Variants in PRKD1 observed in about 807,000 individuals in gnomAD.
The protein encoded by PRKD1 is serine/threonine-protein kinase D1.
In PRKD1, 63 loss-of-function variants were observed where a neutral mutation model predicts 95.9. The observed-to-expected ratio is 0.66, with a 90% CI of 0.54 to 0.81. The LOEUF is 0.81. PRKD1 is among the 30% of genes least tolerant of loss of function. The probability of loss-of-function intolerance (pLI) is 0.00; values close to 1 mark genes in which losing one functional copy is unlikely to be tolerated. For missense variants in PRKD1, 1,048 were observed against 1,165.3 expected, an observed-to-expected ratio of 0.90 and a Z score of 1.47; for synonymous variants, 425 against 423.1, an observed-to-expected ratio of 1.00 and a Z score of -0.05.
rs1891155756 is a variant in PRKD1 at position 29,826,704 on chromosome 14, TATAC to T, written c.264+100541_264+100544del. Among the ~76,000 whole-genome samples the T allele has an allele frequency of 9.7e-5, 8 of 82,380 alleles. No individual in the cohort carries two copies. In the Admixed American group the frequency reaches 1.1e-3, roughly 11 times the overall value. The allele number at this position is 82,380 out of a possible 152,430, so 54.0% of individuals were successfully genotyped here. Reference sequence around the variant, plus strand: ...ATATATACACACATATATATACATATATACACATATATATATACATATATATACA... The same window carrying T: ...ATATATACACACATATATATACATATACATATATATATACATATATATACA... On this transcript the variant is annotated intron_variant, in intron 1 of 17. Coordinates refer to ENST00000331968, the MANE Select transcript of PRKD1 (RefSeq NM_002742.3).
At chr14:29,620,296 A>C (rs180777951) in intron 13 of PRKD1, among the ~76,000 whole-genome samples, 127 of 152,108 alleles carry the variant, frequency 8.3e-4, no homozygotes, top group African/African-American at 2.9e-3. Flanking sequence ...ACCAAAAAGC[A>C]ATGGCAACAA....
chr14:29,853,138 A>T (rs2139342371), intron 1 of PRKD1, among the ~76,000 whole-genome samples: 1 of 152,354 alleles, frequency 6.6e-6, no homozygotes, highest in South Asian at 2.1e-4. Flanking sequence ...TACAAGAGAC[A>T]ATGAATATTA....
intron 16 of PRKD1, among the ~76,000 whole-genome samples, chr14:29,590,419 G>A (rs1469435465): frequency 6.6e-6 from 1 of 152,102 alleles, no homozygotes; most frequent in Non-Finnish European, 1.5e-5. Context: ...TGGTCAAATT[G>A]TATGTTAAAT....
At chr14:29,626,429 A>T in intron 12 of PRKD1, 55 bp downstream of exon 12, 1 of 1,410,446 alleles carries the variant, frequency 7.1e-7, no homozygotes, top group Non-Finnish European at 1.0e-6. Flanking sequence ...TCGCTTTTTA[A>T]AATATAACTA....
intron 1 of PRKD1, among the ~76,000 whole-genome samples, chr14:29,904,676 C>A (rs1225115551): frequency 1.3e-5 from 2 of 152,136 alleles, no homozygotes; most frequent in Non-Finnish European, 2.9e-5. Flanking sequence ...TGCCAGTACT[C>A]CCCTTACTGG....
At chr14:29,878,123 GAAC>G (rs765670237) in intron 1 of PRKD1, among the ~76,000 whole-genome samples, 3 of 152,030 alleles carry the variant, frequency 2.0e-5, no homozygotes, top group Admixed American at 1.3e-4. Flanking sequence ...ACAAACAGAT[GAAC>G]AACAGACACT....
intron 1 of PRKD1, among the ~76,000 whole-genome samples, chr14:29,792,179 C>T (rs186228420): frequency 1.3e-5 from 2 of 152,100 alleles, no homozygotes; most frequent in Admixed American, 1.3e-4. Flanking sequence ...AAATCGTGTT[C>T]TAATATAAAA....
intron 4 of PRKD1, among the ~76,000 whole-genome samples, chr14:29,663,066 A>T (rs893245668): frequency 1.4e-5 from 2 of 146,524 alleles, no homozygotes; most frequent in African/African-American, 4.9e-5. Flanking sequence ...CATATTTTAT[A>T]TATAATATAT....
chr14:29,620,548 T>C (rs1364282943), intron 13 of PRKD1, among the ~76,000 whole-genome samples: 1 of 145,630 alleles, frequency 6.9e-6, no homozygotes, highest in African/African-American at 2.5e-5. Flanking sequence ...AAGAAGACAT[T>C]TATGCAGCCA....
intron 1 of PRKD1, among the ~76,000 whole-genome samples, chr14:29,917,897 A>ACATACC (rs977562471): frequency 6.6e-6 from 1 of 152,186 alleles, no homozygotes; most frequent in African/African-American, 2.4e-5. Context: ...TAGCAAATCT[A>ACATACC]CATACCTGTA....
At chr14:29,794,754 G>A (rs35626454) in intron 1 of PRKD1, among the ~76,000 whole-genome samples, 5,541 of 151,282 alleles carry the variant, frequency 0.037, 158 homozygotes, top group Non-Finnish European at 0.05. Context: ...CTAAGTCTTC[G>A]CTGCTGTATT....
intron 1 of PRKD1, among the ~76,000 whole-genome samples, chr14:29,756,579 T>A (rs986163365): frequency 6.6e-6 from 1 of 152,212 alleles, no homozygotes; most frequent in Non-Finnish European, 1.5e-5. Context: ...CACCAGAAAC[T>A]GCCCAGTGTC....
At chr14:29,808,652 G>A (rs955804867) in intron 1 of PRKD1, among the ~76,000 whole-genome samples, 1 of 151,622 alleles carries the variant, frequency 6.6e-6, no homozygotes, top group African/African-American at 2.4e-5. Context: ...TGCCCATCTT[G>A]GCCTCCCAAA....
intron 13 of PRKD1, among the ~76,000 whole-genome samples, chr14:29,622,401 T>C (rs1245674030): frequency 5.1e-5 from 5 of 98,912 alleles, no homozygotes; most frequent in East Asian, 2.9e-4. Context: ...TCCTTCCTTC[T>C]GTTTTTATTA....
At chr14:29,611,500 A>T (rs1282085384) in intron 13 of PRKD1, among the ~76,000 whole-genome samples, 2 of 152,132 alleles carry the variant, frequency 1.3e-5, no homozygotes, top group East Asian at 3.8e-4. Flanking sequence ...AAAGACTCAC[A>T]TAGCAGGGAT....
At chr14:29,875,132 G>C (rs1295084934) in intron 1 of PRKD1, among the ~76,000 whole-genome samples, 6 of 152,106 alleles carry the variant, frequency 3.9e-5, no homozygotes, top group Admixed American at 1.3e-4. Flanking sequence ...TTTACCCTGA[G>C]AGATGCAACA....
At chr14:29,788,761 T>C (rs1249317041) in intron 1 of PRKD1, among the ~76,000 whole-genome samples, 3 of 152,154 alleles carry the variant, frequency 2.0e-5, no homozygotes, top group Non-Finnish European at 4.4e-5. Context: ...TTCTGTTTGC[T>C]TCTTTCTTAT....
At chr14:29,737,328 C>CAAAAA (rs796557046) in intron 1 of PRKD1, among the ~76,000 whole-genome samples, 668 of 37,952 alleles carry the variant, frequency 0.018, 102 homozygotes, top group Non-Finnish European at 0.023. Flanking sequence ...GACTCCGTCT[C>CAAAAA]AAAAAAAAAA....
At chr14:29,769,804 CATT>C (rs773503592) in intron 1 of PRKD1, among the ~76,000 whole-genome samples, 37 of 152,154 alleles carry the variant, frequency 2.4e-4, no homozygotes, top group Non-Finnish European at 1.0e-4. Flanking sequence ...TCAGACAACA[CATT>C]ATTAAACACT....
Sources: gnomAD v4.1 joint callset for allele counts (sites outside exome capture counted in the v4.1 genomes callset) on GRCh38, gnomAD v4.1.1 for gene constraint, MANE v1.5 for transcripts, NCBI Gene and HGNC (gene_info 2026-07-23, HGNC 2026-07-21) for gene names.